Variants in AKAP13 observed in about 807,000 individuals in gnomAD.
The protein encoded by AKAP13 is A-kinase anchor protein 13.
A neutral mutation model predicts 264.5 loss-of-function variants in AKAP13; 80 were observed. The ratio of observed to expected loss-of-function variants is 0.30; its 90% CI spans 0.25 to 0.36. The LOEUF (loss-of-function observed/expected upper bound fraction) is 0.36, where lower values mean the gene tolerates loss of function less well. AKAP13 is among the 10% of genes least tolerant of loss of function. AKAP13 has a pLI of 1.00. For missense variants in AKAP13, 3,712 were observed against 3,435.2 expected (o/e 1.08, Z -2.01); for synonymous variants, 1,380 against 1,250.2 (o/e 1.10, Z -2.19).
chr15:85,410,093 T>C (rs1367005073), intron 1 of AKAP13, among the ~76,000 whole-genome samples: 1 of 151,754 alleles, frequency 6.6e-6, no homozygotes, highest in Non-Finnish European at 1.5e-5. Flanking sequence ...ATTCACTTTT[T>C]CTGGAATTTT....
chr15:85,622,290 G>A (rs1181463824), intron 8 of AKAP13, among the ~76,000 whole-genome samples: 1 of 152,168 alleles, frequency 6.6e-6, no homozygotes, highest in African/African-American at 2.4e-5. Flanking sequence ...ATCTTTTCGA[G>A]GTGCAGACAT....
chr15:85,653,808 A>G (rs761275766), intron 10 of AKAP13, among the ~76,000 whole-genome samples: 11 of 152,188 alleles, frequency 7.2e-5, no homozygotes, highest in African/African-American at 2.4e-4. Flanking sequence ...AATAGCTATT[A>G]AGACAGTGTC....
intron 8 of AKAP13, among the ~76,000 whole-genome samples, chr15:85,601,608 TTGTGTGTGTGTGTGTG>T (rs10574160): frequency 4.5e-5 from 6 of 132,082 alleles, no homozygotes; most frequent in African/African-American, 8.5e-5. Flanking sequence ...CCTGAATTCT[TTGTGTGTGTGTGTGTG>T]TGTGTGTGTG....
In AKAP13 at chr15:85,426,945, G is replaced by GTTTTTT. The variant is rs1251042851; in HGVS notation, c.-12+46151_-12+46152insTTTTTT. 1.7e-5 allele frequency among the ~76,000 whole-genome samples: 2 copies of GTTTTTT among 115,672 alleles called. 1 individual carries two copies. Among genetic ancestry groups the GTTTTTT allele is most frequent in the African/African-American group, 7.4e-5 (2 of 27,172 alleles). 75.9% of individuals were successfully genotyped at this position (115,672 alleles called of 152,430 possible). On this transcript the variant is annotated intron_variant, in intron 1 of 36. Transcript: ENST00000394518. ...GTTTCCACACAACCTCCTTAGTATT[G>GTTTTTT]TTTTGTTTTGTTTTTTTTTTTTTTT...
At chr15:85,637,911 T>G (rs1361691450) in intron 8 of AKAP13, among the ~76,000 whole-genome samples, 1 of 149,944 alleles carries the variant, frequency 6.7e-6, no homozygotes, top group African/African-American at 2.5e-5. Flanking sequence ...TTTTAATCTC[T>G]GTCACCCAGG....
At chr15:85,538,300 G>A (rs1475745440) in intron 4 of AKAP13, among the ~76,000 whole-genome samples, 4 of 152,054 alleles carry the variant, frequency 2.6e-5, no homozygotes, top group Non-Finnish European at 5.9e-5. Flanking sequence ...ATCATCTTTG[G>A]GGGCAAGAAT....
intron 1 of AKAP13, among the ~76,000 whole-genome samples, chr15:85,399,523 T>TAAAAAAAAAAAAA (rs1367253621): frequency 1.3e-5 from 1 of 78,030 alleles, no homozygotes; most frequent in African/African-American, 5.4e-5. Flanking sequence ...AAAAAAAAAA[T>TAAAAAAAAAAAAA]AAAAAAATAA....
chr15:85,410,204 C>T (rs2071892817), intron 1 of AKAP13, among the ~76,000 whole-genome samples: 1 of 151,442 alleles, frequency 6.6e-6, no homozygotes, highest in Non-Finnish European at 1.5e-5. Flanking sequence ...AGCATCATGA[C>T]CATGACTTCC....
At chr15:85,622,463 A>G (rs1276834474) in intron 8 of AKAP13, among the ~76,000 whole-genome samples, 4 of 152,202 alleles carry the variant, frequency 2.6e-5, no homozygotes, top group African/African-American at 9.7e-5. Context: ...TAGCAGGATG[A>G]GAAGGCCGGA....
At chr15:85,556,512 T>G (rs1437234643) in intron 5 of AKAP13, among the ~76,000 whole-genome samples, 1 of 152,202 alleles carries the variant, frequency 6.6e-6, no homozygotes, top group Non-Finnish European at 1.5e-5. Flanking sequence ...CATCCTTCTT[T>G]TGTTTTGTCA....
chr15:85,503,440 T>C (rs1288165802), intron 2 of AKAP13, among the ~76,000 whole-genome samples: 1 of 152,204 alleles, frequency 6.6e-6, no homozygotes, highest in Non-Finnish European at 1.5e-5. Context: ...TACCTTCCCT[T>C]CTTAATCTTG....
chr15:85,438,675 C>A (rs564151033), intron 1 of AKAP13, among the ~76,000 whole-genome samples: 2 of 150,938 alleles, frequency 1.3e-5, no homozygotes, highest in South Asian at 4.2e-4. Context: ...ATATATACAA[C>A]TATCTGATCT....
chr15:85,483,136 T>G (rs1335162758), intron 1 of AKAP13, among the ~76,000 whole-genome samples: 1 of 152,228 alleles, frequency 6.6e-6, no homozygotes, highest in Non-Finnish European at 1.5e-5. Flanking sequence ...GCGGGAACCA[T>G]TCAGTTAAAT....
intron 4 of AKAP13, among the ~76,000 whole-genome samples, chr15:85,543,502 A>G (rs16941157): frequency 0.27 from 40,566 of 152,090 alleles, 5,776 homozygotes; most frequent in African/African-American, 0.3. Flanking sequence ...AAGTCAGAAT[A>G]TAGAAATGTC....
intron 16 of AKAP13, chr15:85,691,958 G>A (rs370610413): frequency 4.4e-6 from 2 of 455,306 alleles, no homozygotes; most frequent in African/African-American, 2.0e-5. Context: ...CAGGGTAGAG[G>A]AGTGAGCTAC....
At chr15:85,474,753 C>CA (rs1332905320) in intron 1 of AKAP13, among the ~76,000 whole-genome samples, 1 of 152,118 alleles carries the variant, frequency 6.6e-6, no homozygotes, top group Non-Finnish European at 1.5e-5. Flanking sequence ...CTTGTGTTTC[C>CA]AGTGTCATTG....
intron 5 of AKAP13, among the ~76,000 whole-genome samples, chr15:85,550,065 C>T (rs1023433620): frequency 1.3e-5 from 2 of 152,088 alleles, no homozygotes; most frequent in East Asian, 1.9e-4. Context: ...TACAGGTGCA[C>T]GCCACCACGC....
intron 2 of AKAP13, among the ~76,000 whole-genome samples, chr15:85,492,528 A>C (rs895130735): frequency 6.6e-6 from 1 of 152,234 alleles, no homozygotes; most frequent in Non-Finnish European, 1.5e-5. Flanking sequence ...TGAAAGTTGC[A>C]AACAGTATAC....
chr15:85,742,104 C>G (rs1181078221), intron 35 of AKAP13, among the ~76,000 whole-genome samples: 1 of 152,170 alleles, frequency 6.6e-6, no homozygotes, highest in Non-Finnish European at 1.5e-5. Context: ...GGCAGAAAGT[C>G]TTCTTCTGCT....
Sources: allele counts gnomAD v4.1 joint callset (sites outside exome capture counted in the v4.1 genomes callset), GRCh38; gene constraint gnomAD v4.1.1; transcripts MANE v1.5; gene names NCBI Gene and HGNC (gene_info 2026-07-23, HGNC 2026-07-21).